The following PCDHGB6 variants were observed in gnomAD, a reference collection of about 807,000 sequenced individuals.
PCDHGB6 encodes the protein protocadherin gamma subfamily B, 6.
In PCDHGB6, 51 loss-of-function variants were observed where a neutral mutation model predicts 59.1. The ratio of observed to expected loss-of-function variants is 0.86; its 90% CI spans 0.69 to 1.09. The LOEUF is 1.09. Ranked by LOEUF, PCDHGB6 falls within the 50% of genes least tolerant of loss-of-function variation. The pLI, the probability that PCDHGB6 is intolerant of heterozygous loss-of-function variation, is 0.00. For synonymous variants in PCDHGB6, 466 were observed against 495.1 expected, an observed-to-expected ratio of 0.94 and a Z score of 0.78; for missense variants, 1,148 against 1,205.1, an observed-to-expected ratio of 0.95 and a Z score of 0.70.
intron 1 of PCDHGB6, among the ~76,000 whole-genome samples, chr5:141,456,297 A>G (rs537379475): frequency 6.6e-6 from 1 of 152,274 alleles, no homozygotes; most frequent in African/African-American, 2.4e-5. Context: ...CGTCTAATGG[A>G]GAACAGCAGC....
Position 141,491,324 on chromosome 5 carries a change from T to C in PCDHGB6, c.2419-3483T>C, listed in dbSNP as rs762200164. 16 of 1,614,060 alleles carry C rather than the reference T, an allele frequency of 9.9e-6. No homozygotes were observed. The highest frequency in any genetic ancestry group is 8.3e-5 in the Admixed American group (5 of 60,010). On this transcript the variant is annotated intron_variant, in intron 1 of 3. Transcript: ENST00000520790. This position sits in a 1 kb window ranked among gnomAD's most constrained non-coding sequence, Gnocchi z 6.9. ...CGTTCAGACCTTACCCTTTACCTCA[T>C]TGTGGCTCTAGCGACCGTCAGTCTC...
chr5:141,444,524 A>G (rs563709940), intron 1 of PCDHGB6, among the ~76,000 whole-genome samples: 47 of 152,224 alleles, frequency 3.1e-4, no homozygotes, highest in African/African-American at 1.1e-3. Context: ...AGTAGGTGAG[A>G]CAGTGACTGT....
chr5:141,443,938 G>T (rs1330111540), intron 1 of PCDHGB6, among the ~76,000 whole-genome samples: 1 of 152,014 alleles, frequency 6.6e-6, no homozygotes, highest in Non-Finnish European at 1.5e-5. Context: ...CTCACAGCAG[G>T]TTTCCTTATT....
chr5:141,491,602 A>T lies in PCDHGB6; in HGVS notation c.2419-3205A>T. On this transcript the variant is annotated intron_variant, in intron 1 of 3. Transcript: ENST00000520790. The surrounding 1 kb of genome is among the most constrained non-coding windows in gnomAD (Gnocchi z 6.9). ...ACCGGCCTCGGACGGCAGTGACTTC[A>T]CTTTTCTAAGACCCCTCAGCGTTCA... is the stretch of plus-strand genomic sequence containing the variant. The T allele has an allele frequency of 6.2e-7, 1 of 1,613,838 alleles. No individual in the cohort carries two copies. Among genetic ancestry groups the T allele is most frequent in the Non-Finnish European group, 8.5e-7 (1 of 1,180,016 alleles).
At chr5:141,484,621 T>C (rs2099598239) in intron 1 of PCDHGB6, among the ~76,000 whole-genome samples, 1 of 152,058 alleles carries the variant, frequency 6.6e-6, no homozygotes, top group Admixed American at 6.6e-5. Flanking sequence ...CAACACTGGC[T>C]TGAACAAAGT....
chr5:141,499,253 T>C (rs1189676230), intron 2 of PCDHGB6, among the ~76,000 whole-genome samples: 1 of 152,030 alleles, frequency 6.6e-6, no homozygotes, highest in Non-Finnish European at 1.5e-5. Context: ...ACAAAGAGTC[T>C]CCATTTGGTC....
intron 1 of PCDHGB6, chr5:141,412,049 T>C (rs2095532088): frequency 1.3e-5 from 2 of 152,256 alleles, no homozygotes; most frequent in Admixed American, 1.3e-4. Flanking sequence ...AGTGAACTTC[T>C]ATACCCTTTG....
chr5:141,422,727 G>A, intron 1 of PCDHGB6: 6 of 1,606,552 alleles, frequency 3.7e-6, no homozygotes, highest in Non-Finnish European at 5.1e-6. Flanking sequence ...TCCAGGGGGT[G>A]CCTCTGTCCT....
intron 3 of PCDHGB6, among the ~76,000 whole-genome samples, chr5:141,510,468 A>G (rs1246106107): frequency 2.0e-5 from 3 of 152,152 alleles, no homozygotes; most frequent in Admixed American, 2.0e-4. Flanking sequence ...TGTGGGAGTC[A>G]GAGGCTCCCT....
rs192677983 is a variant in PCDHGB6 at position 141,457,339 on chromosome 5, A to G, written c.2419-37468A>G. On this transcript the variant is annotated intron_variant, in intron 1 of 3. Transcript: ENST00000520790. The stretch of plus-strand genomic sequence containing the variant: ...CCTCCGGGTTACAGGTACCTTACTT[A>G]CTTTCATTACCTGGCACAATTTGCA... Among the ~76,000 whole-genome samples the G allele has an allele frequency of 3.1e-4, 47 of 152,268 alleles. No individual in the cohort carries two copies. The South Asian group carries it at 3.3e-3, about 11-fold the overall frequency.
At chr5:141,461,170 G>T (rs1347666737) in intron 1 of PCDHGB6, among the ~76,000 whole-genome samples, 1 of 152,052 alleles carries the variant, frequency 6.6e-6, no homozygotes. Context: ...GGGATTGCTG[G>T]ATTGAATGGT....
chr5:141,415,772 T>TTTTA, intron 1 of PCDHGB6: 1 of 1,332,982 alleles, frequency 7.5e-7, no homozygotes, highest in Non-Finnish European at 9.6e-7. Context: ...TTTTTTTTTT[T>TTTTA]ACTTTCTGGT....
chr5:141,441,891 G>A, intron 1 of PCDHGB6: 1 of 348,040 alleles, frequency 2.9e-6, no homozygotes, highest in East Asian at 9.1e-5. Flanking sequence ...TCACCAAGGT[G>A]GTGGCTGTAG....
intron 1 of PCDHGB6, among the ~76,000 whole-genome samples, chr5:141,492,226 C>T (rs1365682179): frequency 6.6e-6 from 1 of 152,178 alleles, no homozygotes; most frequent in Non-Finnish European, 1.5e-5. Flanking sequence ...CATGCGTGTC[C>T]TCCCTGCTGG....
intron 1 of PCDHGB6, among the ~76,000 whole-genome samples, chr5:141,469,340 G>A (rs1412181099): frequency 6.6e-6 from 1 of 152,138 alleles, no homozygotes; most frequent in Non-Finnish European, 1.5e-5. Context: ...ACTTTGGGAG[G>A]CTGAGGTGGA....
At chr5:141,422,007 T>A in intron 1 of PCDHGB6, 1 of 1,609,966 alleles carries the variant, frequency 6.2e-7, no homozygotes, top group Non-Finnish European at 8.5e-7. Context: ...GCTCCGGAAC[T>A]CGGGTGCTGA....
At chr5:141,501,308 C>T (rs1220463692) in intron 2 of PCDHGB6, among the ~76,000 whole-genome samples, 2 of 151,492 alleles carry the variant, frequency 1.3e-5, no homozygotes, top group African/African-American at 2.4e-5. Context: ...CACACACACA[C>T]ACACACACAC....
In PCDHGB6 at chr5:141,466,692, A is replaced by G. The variant is rs185786515; in HGVS notation, c.2419-28115A>G. Among the ~76,000 whole-genome samples the G allele has an allele frequency of 3.0e-4, 46 of 152,280 alleles. 1 individual carries two copies. The highest frequency in any genetic ancestry group is 1.0e-3 in the African/African-American group (43 of 41,558). On this transcript the variant is annotated intron_variant, in intron 1 of 3. Coordinates refer to ENST00000520790, the MANE Select transcript of PCDHGB6 (RefSeq NM_018926.3). ...ACCGTTCTTCCACTCAAGCTTCATCATAAATTTGATGTCTGTTCTTGTTTC... is the reference window on the plus strand; with the variant it reads ...ACCGTTCTTCCACTCAAGCTTCATCGTAAATTTGATGTCTGTTCTTGTTTC...
Position 141,432,123 on chromosome 5 carries a change from C to T in PCDHGB6, c.2418+21503C>T. 6.2e-7 allele frequency: 1 copy of T among 1,614,172 alleles called. No homozygotes were observed. The highest frequency in any genetic ancestry group is 8.5e-7 in the Non-Finnish European group (1 of 1,180,042). ...GACAACCCGCCGGTCTTCCCTCAGGCCTCCTATTCCGCTTATATCCCAGAG... is the reference window on the plus strand; with the variant it reads ...GACAACCCGCCGGTCTTCCCTCAGGTCTCCTATTCCGCTTATATCCCAGAG... On this transcript the variant is annotated intron_variant, in intron 1 of 3. Coordinates refer to ENST00000520790, the MANE Select transcript of PCDHGB6 (RefSeq NM_018926.3). The surrounding 1 kb of genome is among the most constrained non-coding windows in gnomAD (Gnocchi z 6.0).
Sources: gnomAD v4.1 joint callset for allele counts (sites outside exome capture counted in the v4.1 genomes callset) on GRCh38, gnomAD v4.1.1 for gene constraint, Gnocchi (gnomAD v3.1) non-coding constraint, MANE v1.5 for transcripts, NCBI Gene and HGNC (gene_info 2026-07-23, HGNC 2026-07-21) for gene names.